Variants in RALGPS1 observed in about 807,000 individuals in gnomAD.
The protein encoded by RALGPS1 is Ral GEF with PH domain and SH3 binding motif 1.
A neutral mutation model predicts 78.8 loss-of-function variants in RALGPS1; 19 were observed. The observed-to-expected ratio is 0.24, with a 90% CI of 0.17 to 0.35. The LOEUF (loss-of-function observed/expected upper bound fraction) is 0.35. Among genes scored for constraint, RALGPS1 ranks in the 10% least tolerant of loss-of-function variants. The probability of loss-of-function intolerance (pLI) is 1.00; values close to 1 mark genes in which losing one functional copy is unlikely to be tolerated. For missense variants in RALGPS1, 454 were observed against 688.3 expected, an observed-to-expected ratio of 0.66 and a Z score of 3.81; for synonymous variants, 228 against 256.3, an observed-to-expected ratio of 0.89 and a Z score of 1.06.
intron 1 of RALGPS1, among the ~76,000 whole-genome samples, chr9:126,941,861 C>CT (rs1217836120): frequency 6.6e-6 from 1 of 152,168 alleles, no homozygotes; most frequent in East Asian, 1.9e-4. Flanking sequence ...GTTTTCCTGG[C>CT]TTTTTTGTAG....
At chr9:127,174,511 C>T (rs2059744360) in intron 10 of RALGPS1, among the ~76,000 whole-genome samples, 1 of 152,148 alleles carries the variant, frequency 6.6e-6, no homozygotes, top group Non-Finnish European at 1.5e-5. Context: ...AGGCCACACT[C>T]AACTCCTTTT....
chr9:127,121,127 T>C (rs2137709869), intron 8 of RALGPS1, among the ~76,000 whole-genome samples: 1 of 152,316 alleles, frequency 6.6e-6, no homozygotes, highest in East Asian at 1.9e-4. Context: ...CAGGGATGAA[T>C]AATAATGCCT....
chr9:127,216,354 TC>T (rs1564813119), intron 18 of RALGPS1, among the ~76,000 whole-genome samples: 1 of 152,216 alleles, frequency 6.6e-6, no homozygotes, highest in African/African-American at 2.4e-5. Flanking sequence ...TGCACTTGAT[TC>T]CCTTGACTCA....
At chr9:126,952,031 CAGAG>C (rs964066734) in intron 1 of RALGPS1, among the ~76,000 whole-genome samples, 72 of 152,316 alleles carry the variant, frequency 4.7e-4, no homozygotes, top group African/African-American at 1.7e-3. Flanking sequence ...CAATAACAAA[CAGAG>C]AGCTAAATCA....
chr9:127,195,796 T>A (rs2061322144), intron 12 of RALGPS1, among the ~76,000 whole-genome samples: 1 of 151,852 alleles, frequency 6.6e-6, no homozygotes, highest in Non-Finnish European at 1.5e-5. Flanking sequence ...TTCTCCCTTC[T>A]TCCTTCCCTC....
chr9:127,174,707 GT>G lies in RALGPS1; in HGVS notation c.843-4del. 1 of 1,613,786 alleles carries G rather than the reference GT, an allele frequency of 6.2e-7. No individual in the cohort carries two copies. ...CCCATCTGATCTTATGAAAATCTTT[GT>G]TTTCAGACTGTCGCTCAGAATCGAA... is the stretch of plus-strand genomic sequence containing the variant. On this transcript the variant is annotated splice_polypyrimidine_tract_variant and splice_region_variant and intron_variant, in intron 10 of 18. Coordinates refer to ENST00000259351, the MANE Select transcript of RALGPS1 (RefSeq NM_014636.3).
rs1315055893 is a variant in RALGPS1 at position 127,073,460 on chromosome 9, GTGTGTC to G, written c.610+4110_610+4115del. Among the ~76,000 whole-genome samples, 396 of 139,594 alleles carry G rather than the reference GTGTGTC, an allele frequency of 2.8e-3. 1 individual carries two copies. Among genetic ancestry groups the G allele is most frequent in the African/African-American group, 0.012 (374 of 31,774 alleles). The allele number at this position is 139,594 out of a possible 152,430, so 91.6% of individuals were successfully genotyped here. On this transcript the variant is annotated intron_variant, in intron 8 of 18. Coordinates refer to ENST00000259351, the MANE Select transcript of RALGPS1 (RefSeq NM_014636.3). ...GTAGTACACCATTGTGTGTGTGTGT[GTGTGTC>G]TGTGTGTGTGTGTGTGTGTGTATAA... is the stretch of plus-strand genomic sequence containing the variant.
rs1018749073 is a variant in RALGPS1, at chr9:127,183,336, C to T, written c.910+8554C>T. Among the ~76,000 whole-genome samples, 3 of 152,194 alleles carry T rather than the reference C, an allele frequency of 2.0e-5. No homozygotes were observed. The highest frequency in any genetic ancestry group is 4.4e-5 in the Non-Finnish European group (3 of 68,040). ...ACAAGTCCCTTGACCCAGGCAGATGCAAACCTATTTTGGGGACCCCTGCAG... is the reference window on the plus strand; with the variant it reads ...ACAAGTCCCTTGACCCAGGCAGATGTAAACCTATTTTGGGGACCCCTGCAG... On this transcript the variant is annotated intron_variant, in intron 11 of 18. Coordinates refer to ENST00000259351, the MANE Select transcript of RALGPS1 (RefSeq NM_014636.3). The surrounding 1 kb of genome is among the most constrained non-coding windows in gnomAD (Gnocchi z 4.0).
intron 8 of RALGPS1, among the ~76,000 whole-genome samples, chr9:127,073,466 C>CTGTGTGTGTGTG (rs58611833): frequency 0.12 from 16,673 of 142,916 alleles, 1,594 homozygotes; most frequent in African/African-American, 0.3. Flanking sequence ...GTGTGTGTGT[C>CTGTGTGTGTGTG]TGTGTGTGTG....
At chr9:127,181,357 T>C (rs2060207276) in intron 11 of RALGPS1, among the ~76,000 whole-genome samples, 2 of 152,236 alleles carry the variant, frequency 1.3e-5, no homozygotes, top group African/African-American at 4.8e-5. Flanking sequence ...ACACAGACAC[T>C]GTGAGGTGGG....
intron 11 of RALGPS1, chr9:127,177,794 A>G: frequency 6.5e-7 from 1 of 1,537,038 alleles, no homozygotes; most frequent in Non-Finnish European, 8.8e-7. Flanking sequence ...CTGTCCTGGA[A>G]GTCAGCTGGG....
At chr9:126,953,951 C>T (rs2038107925) in intron 1 of RALGPS1, among the ~76,000 whole-genome samples, 3 of 152,212 alleles carry the variant, frequency 2.0e-5, no homozygotes, top group African/African-American at 7.2e-5. Context: ...ACACCTGCCA[C>T]TCATGCCCCA....
At chr9:127,110,506 A>C (rs1275987388) in intron 8 of RALGPS1, among the ~76,000 whole-genome samples, 1 of 152,204 alleles carries the variant, frequency 6.6e-6, no homozygotes, top group African/African-American at 2.4e-5. Context: ...ATCACCCTCA[A>C]GTACTGATTA....
At chr9:127,053,814 T>C (rs930803609) in intron 7 of RALGPS1, among the ~76,000 whole-genome samples, 1 of 152,240 alleles carries the variant, frequency 6.6e-6, no homozygotes, top group African/African-American at 2.4e-5. Flanking sequence ...GCCTTGTTTC[T>C]TTAAATTGCT....
intron 7 of RALGPS1, among the ~76,000 whole-genome samples, chr9:127,057,610 A>G (rs1406121905): frequency 6.6e-6 from 1 of 152,242 alleles, no homozygotes; most frequent in African/African-American, 2.4e-5. Context: ...CAGATGGGTA[A>G]TGATTTATCC....
At chr9:126,989,774 T>C in intron 4 of RALGPS1, 1 of 1,390,838 alleles carries the variant, frequency 7.2e-7, no homozygotes, top group Non-Finnish European at 9.6e-7. Context: ...ATAAAATACA[T>C]ATTCCTGTGG....
At chr9:126,934,628 C>G (rs1222903910) in intron 1 of RALGPS1, among the ~76,000 whole-genome samples, 2 of 152,186 alleles carry the variant, frequency 1.3e-5, no homozygotes. Flanking sequence ...ACATGAAGCT[C>G]TGGGGTTTTC....
chr9:127,089,608 CTT>C (rs909033047), intron 8 of RALGPS1, among the ~76,000 whole-genome samples: 2 of 152,176 alleles, frequency 1.3e-5, no homozygotes, highest in Admixed American at 6.5e-5. Flanking sequence ...GATCAGGAGT[CTT>C]TAAAGAATGA....
intron 4 of RALGPS1, among the ~76,000 whole-genome samples, chr9:127,029,785 G>T (rs1384494148): frequency 6.6e-6 from 1 of 152,182 alleles, no homozygotes; most frequent in Admixed American, 6.5e-5. Context: ...TTACGTGATG[G>T]ACTCCAGACA....
Sources: allele counts gnomAD v4.1 joint callset (sites outside exome capture counted in the v4.1 genomes callset), GRCh38; gene constraint gnomAD v4.1.1; non-coding constraint Gnocchi (gnomAD v3.1); transcripts MANE v1.5; gene names NCBI Gene and HGNC (gene_info 2026-07-23, HGNC 2026-07-21).